NKAIN2: variants seen among roughly 807,000 people sequenced by gnomAD.
NKAIN2 encodes the protein sodium/potassium transporting ATPase interacting 2, also known as sodium/potassium-transporting ATPase subunit beta-1-interacting protein 2.
A neutral mutation model predicts 32.6 loss-of-function variants in NKAIN2; 14 were observed. The observed-to-expected ratio is 0.43, with a 90% confidence interval of 0.28 to 0.67. The LOEUF (loss-of-function observed/expected upper bound fraction) is 0.67. Ranked by LOEUF, NKAIN2 falls within the 30% of genes least tolerant of loss-of-function variation. NKAIN2 has a pLI of 0.17. For synonymous variants in NKAIN2, 80 were observed against 87.2 expected, an observed-to-expected ratio of 0.92 and a Z score of 0.46; for missense variants, 198 against 258.3, an observed-to-expected ratio of 0.77 and a Z score of 1.60.
At chr6:124,455,148 CAT>C (rs995616389) in intron 3 of NKAIN2, among the ~76,000 whole-genome samples, 1 of 152,032 alleles carries the variant, frequency 6.6e-6, no homozygotes, top group African/African-American at 2.4e-5. Context: ...TGTTCTGAAA[CAT>C]GTGCATACAA....
chr6:124,229,329 A>T (rs1792301515), intron 1 of NKAIN2, among the ~76,000 whole-genome samples: 1 of 152,190 alleles, frequency 6.6e-6, no homozygotes, highest in Admixed American at 6.5e-5. Context: ...CACTTGACCT[A>T]GCCATGAAGA....
intron 3 of NKAIN2, among the ~76,000 whole-genome samples, chr6:124,423,760 A>C (rs938608191): frequency 1.3e-5 from 2 of 152,156 alleles, no homozygotes; most frequent in African/African-American, 4.8e-5. Flanking sequence ...ATGAAGCAAC[A>C]GGATGTGATC....
chr6:124,765,726 T>C (rs990164099), intron 4 of NKAIN2, among the ~76,000 whole-genome samples: 4 of 152,200 alleles, frequency 2.6e-5, no homozygotes, highest in African/African-American at 9.6e-5. Flanking sequence ...TTCTATTGTG[T>C]ACCACCACCC....
At chr6:123,974,393 A>G (rs986999056) in intron 1 of NKAIN2, among the ~76,000 whole-genome samples, 1 of 152,180 alleles carries the variant, frequency 6.6e-6, no homozygotes, top group African/African-American at 2.4e-5. Context: ...GAATTAAACT[A>G]TGTATGTTCC....
chr6:124,719,726 CAAA>C (rs11343989), intron 4 of NKAIN2, among the ~76,000 whole-genome samples: 2 of 144,992 alleles, frequency 1.4e-5, no homozygotes, highest in Admixed American at 6.9e-5. Flanking sequence ...CCCTGCTAAT[CAAA>C]AAAAAAAAAA....
intron 5 of NKAIN2, among the ~76,000 whole-genome samples, chr6:124,810,107 A>C (rs1361880432): frequency 6.6e-6 from 1 of 152,110 alleles, no homozygotes; most frequent in Non-Finnish European, 1.5e-5. Flanking sequence ...TAGAAATACC[A>C]TTTGACCCAG....
chr6:124,437,630 C>T (rs950714752), intron 3 of NKAIN2, among the ~76,000 whole-genome samples: 5 of 152,078 alleles, frequency 3.3e-5, no homozygotes, highest in Non-Finnish European at 5.9e-5. Flanking sequence ...AAAGTTGAAT[C>T]AGAAGCTGTT....
chr6:124,322,447 T>G (rs942485981), intron 2 of NKAIN2, among the ~76,000 whole-genome samples: 4 of 152,164 alleles, frequency 2.6e-5, no homozygotes, highest in Non-Finnish European at 4.4e-5. Context: ...CAAAATGTGT[T>G]GTGTAGTTCT....
chr6:124,217,832 G>C (rs1791567730), intron 1 of NKAIN2, among the ~76,000 whole-genome samples: 1 of 151,936 alleles, frequency 6.6e-6, no homozygotes, highest in South Asian at 2.1e-4. Context: ...TATATAGAGA[G>C]AGATATAGAT....
intron 1 of NKAIN2, among the ~76,000 whole-genome samples, chr6:124,148,141 A>G (rs1273356489): frequency 2.0e-5 from 3 of 152,136 alleles, no homozygotes; most frequent in Non-Finnish European, 4.4e-5. Context: ...TTAAACATTC[A>G]GGAAACCTCT....
chr6:124,455,953 C>G (rs747497841), intron 3 of NKAIN2, among the ~76,000 whole-genome samples: 3 of 151,742 alleles, frequency 2.0e-5, no homozygotes, highest in Non-Finnish European at 2.9e-5. Context: ...GTAGTGACTT[C>G]CCACAGGAGT....
chr6:124,625,805 T>C (rs1783303241), intron 3 of NKAIN2, among the ~76,000 whole-genome samples: 1 of 152,034 alleles, frequency 6.6e-6, no homozygotes, highest in Admixed American at 6.6e-5. Flanking sequence ...ATAACTGGGC[T>C]AAGGTCACAA....
chr6:124,567,489 T>C (rs887440732), intron 3 of NKAIN2, among the ~76,000 whole-genome samples: 1 of 152,236 alleles, frequency 6.6e-6, no homozygotes, highest in Admixed American at 6.5e-5. Context: ...TCAACCAAAA[T>C]GTGAGCTCCG....
At chr6:124,696,977 A>AT (rs1423836460) in intron 4 of NKAIN2, among the ~76,000 whole-genome samples, 1 of 151,894 alleles carries the variant, frequency 6.6e-6, no homozygotes, top group African/African-American at 2.4e-5. Context: ...TAAAAGATGG[A>AT]TTTTTTTCTA....
intron 3 of NKAIN2, among the ~76,000 whole-genome samples, chr6:124,616,656 G>A (rs1243183311): frequency 6.6e-6 from 1 of 150,654 alleles, no homozygotes; most frequent in African/African-American, 2.4e-5. Flanking sequence ...AGTAGAGACG[G>A]GGTTTCACCC....
chr6:124,794,961 G>T (rs926944617), intron 5 of NKAIN2: 2 of 367,276 alleles, frequency 5.4e-6, no homozygotes, highest in Non-Finnish European at 7.6e-6. Context: ...TGGGTGAAAG[G>T]TTAAAATAAA....
At chr6:124,388,054 A>C (rs749853882) in intron 3 of NKAIN2, among the ~76,000 whole-genome samples, 3 of 152,090 alleles carry the variant, frequency 2.0e-5, no homozygotes, top group Non-Finnish European at 4.4e-5. Context: ...CAATGCACAG[A>C]AGAGCCCTAA....
intron 1 of NKAIN2, among the ~76,000 whole-genome samples, chr6:123,869,289 C>A (rs1772744419): frequency 6.6e-6 from 1 of 152,134 alleles, no homozygotes. Context: ...AAAAAGTAAT[C>A]TCTAAGCTTA....
intron 3 of NKAIN2, among the ~76,000 whole-genome samples, chr6:124,595,113 C>A (rs1313392452): frequency 5.3e-5 from 8 of 152,134 alleles, no homozygotes; most frequent in Non-Finnish European, 1.5e-5. Flanking sequence ...GTGTGGGGAC[C>A]ACCCCAAGGC....
Sources: gnomAD v4.1 joint callset for allele counts (sites outside exome capture counted in the v4.1 genomes callset) on GRCh38, gnomAD v4.1.1 for gene constraint, MANE v1.5 for transcripts, NCBI Gene and HGNC (gene_info 2026-07-23, HGNC 2026-07-21) for gene names.